PLB1: variants seen among roughly 807,000 people sequenced by gnomAD.
PLB1 encodes the protein phospholipase B1.
PLB1 carries 242 observed loss-of-function variants against 227.4 expected under a neutral mutation model. The ratio of observed to expected loss-of-function variants is 1.06; its 90% CI spans 0.96 to 1.18. The LOEUF (loss-of-function observed/expected upper bound fraction) is 1.18. Ranked by LOEUF, PLB1 falls within the 50% of genes most tolerant of loss-of-function variation. The probability of loss-of-function intolerance (pLI) is 0.00; values close to 1 mark genes in which losing one functional copy is unlikely to be tolerated. For synonymous variants in PLB1, 757 were observed against 682.2 expected (o/e 1.11, Z -1.71); for missense variants, 1,858 against 1,816.3 (o/e 1.02, Z -0.42).
chr2:28,586,453 C>T (rs539349602), intron 26 of PLB1, among the ~76,000 whole-genome samples: 20 of 152,312 alleles, frequency 1.3e-4, no homozygotes, highest in East Asian at 3.9e-4. Context: ...CCTTAACAAT[C>T]GAGTTTCTCC....
Position 28,628,601 on chromosome 2 carries a change from A to G in PLB1, c.3699A>G (p.Gln1233=). The change falls in exon 52 of 58, where the codon CAA becomes CAG. Residue 1233 remains glutamine (Q), a synonymous_variant. Coordinates refer to ENST00000327757, the MANE Select transcript of PLB1 (RefSeq NM_153021.5). The part of the protein sequence containing the change: ...HLATEYVQHI[Q]QALDILSEEL... Reference sequence around the variant, plus strand: ...CCACGGAATATGTTCAGCACATCCAACAGGCCCTGGACATCCTCTCTGAGG... The same window carrying G: ...CCACGGAATATGTTCAGCACATCCAGCAGGCCCTGGACATCCTCTCTGAGG... 2 of 1,614,148 alleles carry G rather than the reference A, an allele frequency of 1.2e-6. No homozygotes were observed. Among genetic ancestry groups the G allele is most frequent in the Non-Finnish European group, 1.7e-6 (2 of 1,180,000 alleles).
intron 13 of PLB1, 40 bp from the exon 14 acceptor site, chr2:28,543,172 G>T: frequency 6.3e-7 from 1 of 1,578,726 alleles, no homozygotes; most frequent in East Asian, 2.3e-5. Context: ...TGCATTCCTG[G>T]GGAGACAAAA....
intron 46 of PLB1, among the ~76,000 whole-genome samples, chr2:28,619,167 G>GT (rs1161307846): frequency 7.2e-5 from 11 of 152,198 alleles, no homozygotes; most frequent in Admixed American, 2.6e-4. Context: ...GTACCTATGA[G>GT]TTATGTTTCC....
chr2:28,602,761 T>G, intron 38 of PLB1, 60 bp from the exon 39 acceptor site: 75 of 1,488,878 alleles, frequency 5.0e-5, no homozygotes, highest in Non-Finnish European at 6.4e-5. Context: ...CTAGGGGCCC[T>G]GAGACAGCCC....
intron 20 of PLB1, among the ~76,000 whole-genome samples, chr2:28,569,164 C>G (rs899147352): frequency 6.6e-6 from 1 of 152,200 alleles, no homozygotes; most frequent in Admixed American, 6.5e-5. Context: ...GGCTGCTACC[C>G]GGCCAGTTTC....
At chr2:28,628,484 C>T (rs1266597435) in intron 51 of PLB1, 79 bp from the exon 52 acceptor site, 2 of 1,333,360 alleles carry the variant, frequency 1.5e-6, no homozygotes, top group Non-Finnish European at 2.2e-6. Context: ...TAGCCCAGGC[C>T]CCAGAGCCCT....
chr2:28,566,623 G>T, intron 19 of PLB1, 173 bp from the exon 20 acceptor site: 1 of 630,900 alleles, frequency 1.6e-6, no homozygotes, highest in Non-Finnish European at 2.9e-6. Flanking sequence ...ATGGGGAGGG[G>T]AGTCGTATTC....
At chr2:28,537,597 T>A (rs1169462802) in intron 9 of PLB1, among the ~76,000 whole-genome samples, 2 of 138,690 alleles carry the variant, frequency 1.4e-5, no homozygotes, top group East Asian at 4.2e-4. Flanking sequence ...AGGTGGAGGT[T>A]GCACTGAGCC....
intron 27 of PLB1, 53 bp downstream of exon 27, chr2:28,589,607 G>GT (rs1681520593): frequency 1.2e-6 from 2 of 1,603,922 alleles, no homozygotes; most frequent in East Asian, 4.5e-5. Context: ...GTGTGTGGCT[G>GT]TTTCTGAGTG....
At position 28,598,641 on chromosome 2, in the gene PLB1, T is replaced by C; in HGVS notation, c.2366-11T>C. 1 of 1,607,624 alleles carries C rather than the reference T, an allele frequency of 6.2e-7. No homozygotes were observed. The highest frequency in any genetic ancestry group is 8.5e-7 in the Non-Finnish European group (1 of 1,174,044). On this transcript the variant is annotated splice_polypyrimidine_tract_variant and intron_variant, in intron 34 of 57. Coordinates refer to ENST00000327757, the MANE Select transcript of PLB1 (RefSeq NM_153021.5). ...CTGAGCCGTCTGCATCCCATTCACC[T>C]TCTCTTCCAGATATCCTTCGGGAGT... is the stretch of plus-strand genomic sequence containing the variant.
rs544691971 is a variant in PLB1, at chr2:28,522,661, C to T, written c.244-2606C>T. 7.9e-5 allele frequency among the ~76,000 whole-genome samples: 12 copies of T among 152,266 alleles called. No individual in the cohort carries two copies. In the East Asian group the frequency reaches 9.7e-4, roughly 12 times the overall value. The stretch of plus-strand genomic sequence containing the variant: ...TGACTTGCACTCCTTGGTCTCATCT[C>T]GGAAAGAGCTCTTTGTCCATGAATT... On this transcript the variant is annotated intron_variant, in intron 4 of 57. Transcript: ENST00000327757.
intron 1 of PLB1, among the ~76,000 whole-genome samples, chr2:28,503,526 G>A (rs1483492821): frequency 6.6e-6 from 1 of 152,192 alleles, no homozygotes; most frequent in Non-Finnish European, 1.5e-5. Context: ...ACTTACAGTA[G>A]CAACCACTTC....
intron 43 of PLB1, among the ~76,000 whole-genome samples, chr2:28,612,976 C>G (rs1212573110): frequency 6.6e-6 from 1 of 151,370 alleles, no homozygotes; most frequent in Non-Finnish European, 1.5e-5. Context: ...CTGGAGTGCA[C>G]TGGCACAATT....
At chr2:28,601,616 CAGAAAGAGGAAACTGT>C (rs1243950226) in intron 37 of PLB1, among the ~76,000 whole-genome samples, 1 of 152,150 alleles carries the variant, frequency 6.6e-6, no homozygotes, top group African/African-American at 2.4e-5. Context: ...CCTGAGAATT[CAGAAAGAGGAAACTGT>C]AGCAAGCAAT....
rs781447570 is a variant in PLB1, at chr2:28,592,731, T to C, written c.2247+12T>C. 1 of 1,613,776 alleles carries C rather than the reference T, an allele frequency of 6.2e-7. No homozygotes were observed. Among genetic ancestry groups the C allele is most frequent in the South Asian group, 1.1e-5 (1 of 91,068 alleles). ...GGGATTCTCTGACCGTAAGGACTCT[T>C]GGGCCCCAGGTGGTTTGGGGATAAC... On this transcript the variant is annotated intron_variant, in intron 32 of 57. Coordinates refer to ENST00000327757, the MANE Select transcript of PLB1 (RefSeq NM_153021.5).
chr2:28,609,806 T>C (rs1374080694), intron 43 of PLB1, among the ~76,000 whole-genome samples: 1 of 152,234 alleles, frequency 6.6e-6, no homozygotes, highest in East Asian at 1.9e-4. Context: ...GGACCCTATC[T>C]AATCGGATTC....
chr2:28,501,318 CCAA>C (rs1667072900), intron 1 of PLB1, among the ~76,000 whole-genome samples: 1 of 152,152 alleles, frequency 6.6e-6, no homozygotes, highest in African/African-American at 2.4e-5. Flanking sequence ...GACAACACCA[CCAA>C]CAACAAATGA....
rs1353359483 is a variant in PLB1 at position 28,516,895 on chromosome 2, G to A, written c.117+26G>A. ...GTAAGGGCTTTGGCTGGTGGGAGGT[G>A]CGTGTGTATGGAGGGGAGAGGGAGG... On this transcript the variant is annotated intron_variant, in intron 2 of 57. Transcript: ENST00000327757. 5 of 1,606,682 alleles carry A rather than the reference G, an allele frequency of 3.1e-6. No homozygotes were observed. The Admixed American group carries it at 5.0e-5, about 16-fold the overall frequency.
chr2:28,537,682 G>T (rs1194577731), intron 9 of PLB1, among the ~76,000 whole-genome samples: 1 of 143,300 alleles, frequency 7.0e-6, no homozygotes, highest in Non-Finnish European at 1.5e-5. Context: ...AAAAAAAAAA[G>T]GTAAAGCAGG....
Sources: allele counts gnomAD v4.1 joint callset (sites outside exome capture counted in the v4.1 genomes callset), GRCh38; gene constraint gnomAD v4.1.1; transcripts MANE v1.5; gene names NCBI Gene and HGNC (gene_info 2026-07-23, HGNC 2026-07-21).